RNF169: variants seen among roughly 807,000 people sequenced by gnomAD.
RNF169 encodes the protein E3 ubiquitin-protein ligase RNF169.
A neutral mutation model predicts 53.9 loss-of-function variants in RNF169; 24 were observed. The observed-to-expected ratio is 0.45, with a 90% CI of 0.32 to 0.63. The LOEUF (loss-of-function observed/expected upper bound fraction) is 0.63. Ranked by LOEUF, RNF169 falls within the 20% of genes least tolerant of loss-of-function variation. The pLI, the probability that RNF169 is intolerant of heterozygous loss-of-function variation, is 0.04. For synonymous variants in RNF169, 396 were observed against 363.5 expected, an observed-to-expected ratio of 1.09 and a Z score of -1.02; for missense variants, 883 against 906.2, an observed-to-expected ratio of 0.97 and a Z score of 0.33.
rs1207068550 is a variant in RNF169 at position 74,840,057 on chromosome 11, A to C, written c.*3327A>C. 1 of 152,146 alleles carries C rather than the reference A, an allele frequency of 6.6e-6. No individual in the cohort carries two copies. The highest frequency in any genetic ancestry group is 2.1e-4 in the South Asian group (1 of 4,812). 9.4% of individuals were successfully genotyped at this position (152,146 alleles called of 1,614,324 possible). On this transcript the variant is annotated 3_prime_UTR_variant, in exon 6 of 6. Transcript: ENST00000299563. ...TGTCCTTAAGAGATTAAAGCTCTTA[A>C]TTGATTACTGTCTGGTTACAAACTG...
intron 4 of RNF169, among the ~76,000 whole-genome samples, chr11:74,819,735 A>T (rs1029742560): frequency 6.6e-6 from 1 of 152,186 alleles, no homozygotes; most frequent in African/African-American, 2.4e-5. Flanking sequence ...TTTAGGGGGA[A>T]GTCTAGTGAC....
intron 2 of RNF169, among the ~76,000 whole-genome samples, chr11:74,807,128 A>G (rs61894780): frequency 1.2e-4 from 19 of 152,060 alleles, no homozygotes; most frequent in Non-Finnish European, 2.8e-4. Context: ...GCTTCATTCT[A>G]TCTCCTTGTT....
intron 2 of RNF169, among the ~76,000 whole-genome samples, chr11:74,803,975 T>C (rs1003784501): frequency 6.6e-6 from 1 of 152,196 alleles, no homozygotes; most frequent in Admixed American, 6.5e-5. Context: ...AGCAGGTCAT[T>C]GTTCAACAGT....
intron 1 of RNF169, among the ~76,000 whole-genome samples, chr11:74,788,930 C>T (rs973188428): frequency 2.6e-5 from 4 of 152,060 alleles, no homozygotes; most frequent in Non-Finnish European, 4.4e-5. Context: ...GATGGGTTGC[C>T]TTTTTAATCA....
chr11:74,791,820 C>T (rs989589501), intron 2 of RNF169, among the ~76,000 whole-genome samples: 2 of 152,192 alleles, frequency 1.3e-5, no homozygotes, highest in South Asian at 2.1e-4. Context: ...TGGGAGGGAT[C>T]CCACCTCTTC....
At chr11:74,777,399 C>T (rs1418302995) in intron 1 of RNF169, among the ~76,000 whole-genome samples, 1 of 152,132 alleles carries the variant, frequency 6.6e-6, no homozygotes, top group Non-Finnish European at 1.5e-5. Context: ...ACCACATGGG[C>T]TTGGTCTGCC....
intron 2 of RNF169, among the ~76,000 whole-genome samples, chr11:74,791,719 A>AGT (rs1360973842): frequency 6.6e-6 from 1 of 152,166 alleles, no homozygotes; most frequent in East Asian, 1.9e-4. Context: ...AGCCTGTGAG[A>AGT]GTGGGGGATG....
intron 1 of RNF169, among the ~76,000 whole-genome samples, chr11:74,753,261 G>C (rs960418704): frequency 6.6e-6 from 1 of 152,140 alleles, no homozygotes; most frequent in Non-Finnish European, 1.5e-5. Flanking sequence ...GAGCCACCGC[G>C]CCCAGCCTTG....
chr11:74,773,039 A>G (rs1446316651), intron 1 of RNF169, among the ~76,000 whole-genome samples: 1 of 152,190 alleles, frequency 6.6e-6, no homozygotes, highest in Admixed American at 6.5e-5. Context: ...AGTCATACAA[A>G]TATTTTATCA....
At chr11:74,785,197 GAT>G (rs201305782) in intron 1 of RNF169, among the ~76,000 whole-genome samples, 1,439 of 111,050 alleles carry the variant, frequency 0.013, 28 homozygotes, top group African/African-American at 0.058. Flanking sequence ...ATATATATAT[GAT>G]ATATATATAT....
chr11:74,791,032 G>A lies in RNF169; in HGVS notation c.576+1333G>A, dbSNP rs972389443. Among the ~76,000 whole-genome samples, 9 of 152,240 alleles carry A rather than the reference G, an allele frequency of 5.9e-5. No individual in the cohort carries two copies. In the East Asian group the frequency reaches 7.7e-4, roughly 13 times the overall value. On this transcript the variant is annotated intron_variant, in intron 2 of 5. Transcript: ENST00000299563. ...CCTGTGTCCAGAAAGAAAGAGGTAC[G>A]TGGACAACTGGAGGGTGAGTACAGC...
chr11:74,798,518 G>A (rs497772), intron 2 of RNF169, among the ~76,000 whole-genome samples: 93,844 of 152,020 alleles, frequency 0.62, 30,387 homozygotes, highest in East Asian at 0.8. Context: ...ATCAATGACA[G>A]TGGTACCCGA....
intron 1 of RNF169, among the ~76,000 whole-genome samples, chr11:74,771,749 A>G (rs2135326317): frequency 6.6e-6 from 1 of 152,240 alleles, no homozygotes; most frequent in Non-Finnish European, 1.5e-5. Flanking sequence ...TGTGTATATA[A>G]GGTATATATG....
At chr11:74,790,867 A>C (rs2035569014) in intron 2 of RNF169, among the ~76,000 whole-genome samples, 1 of 152,162 alleles carries the variant, frequency 6.6e-6, no homozygotes, top group Non-Finnish European at 1.5e-5. Flanking sequence ...GCTTGGGAGC[A>C]CCTCAGTCTG....
At chr11:74,822,462 A>T (rs1412062046) in intron 4 of RNF169, among the ~76,000 whole-genome samples, 2 of 152,078 alleles carry the variant, frequency 1.3e-5, no homozygotes, top group Non-Finnish European at 2.9e-5. Flanking sequence ...GTTGCTTTTC[A>T]GACAGTGCTG....
intron 1 of RNF169, among the ~76,000 whole-genome samples, chr11:74,752,595 CAAAA>C (rs371908528): frequency 8.9e-6 from 1 of 111,874 alleles, no homozygotes; most frequent in Non-Finnish European, 2.0e-5. Flanking sequence ...GACTCTGTCT[CAAAA>C]AAAAAAAAAA....
Position 74,840,374 on chromosome 11 carries a change from A to G in RNF169, c.*3644A>G, listed in dbSNP as rs1275936807. 1 of 152,232 alleles carries G rather than the reference A, an allele frequency of 6.6e-6. No individual in the cohort carries two copies. The highest frequency in any genetic ancestry group is 2.4e-5 in the African/African-American group (1 of 41,466). The allele number at this position is 152,232 out of a possible 1,614,324, so 9.4% of individuals were successfully genotyped here. ...CAGCAAGCTGCATTCTACATTTTAG[A>G]GACCCCATTGGTATTTGTGAATTTG... On this transcript the variant is annotated 3_prime_UTR_variant, in exon 6 of 6. Coordinates refer to ENST00000299563, the MANE Select transcript of RNF169 (RefSeq NM_001098638.2).
At chr11:74,832,371 G>T (rs2036192796) in intron 4 of RNF169, 1 of 151,316 alleles carries the variant, frequency 6.6e-6, no homozygotes, top group African/African-American at 2.4e-5. Context: ...TTGCCAAAAT[G>T]GAGTTTATGG....
At chr11:74,772,689 A>G (rs924655782) in intron 1 of RNF169, among the ~76,000 whole-genome samples, 1 of 152,194 alleles carries the variant, frequency 6.6e-6, no homozygotes, top group South Asian at 2.1e-4. Context: ...AACAGCCTCA[A>G]AGGATTGTTG....
Sources: allele counts gnomAD v4.1 joint callset (sites outside exome capture counted in the v4.1 genomes callset), GRCh38; gene constraint gnomAD v4.1.1; transcripts MANE v1.5; gene names NCBI Gene and HGNC (gene_info 2026-07-23, HGNC 2026-07-21).